TNFRSF11B: variants seen among roughly 807,000 people sequenced by gnomAD.
TNFRSF11B encodes tumor necrosis factor receptor superfamily member 11B.
Under a neutral mutation model 43.4 loss-of-function variants are expected in TNFRSF11B, and 16 were observed. The observed-to-expected ratio is 0.37, with a 90% confidence interval of 0.25 to 0.56. The LOEUF is 0.56. Ranked by LOEUF, TNFRSF11B falls within the 20% of genes least tolerant of loss-of-function variation. The pLI is 0.80. For synonymous variants in TNFRSF11B, 185 were observed against 181.8 expected (o/e 1.02, Z -0.14); for missense variants, 444 against 490.1 (o/e 0.91, Z 0.89).
intron 1 of TNFRSF11B, among the ~76,000 whole-genome samples, chr8:118,949,159 C>T (rs772468329): frequency 2.0e-5 from 3 of 152,068 alleles, no homozygotes; most frequent in Non-Finnish European, 2.9e-5. Flanking sequence ...CCATCCCTAC[C>T]TCCTTCCCTG....
intron 1 of TNFRSF11B, among the ~76,000 whole-genome samples, chr8:118,937,954 T>C (rs189029444): frequency 6.6e-6 from 1 of 151,750 alleles, no homozygotes; most frequent in East Asian, 1.9e-4. Flanking sequence ...TAAGTCAAAA[T>C]AAAATATTTA....
At chr8:118,934,257 T>C (rs1438587633) in intron 1 of TNFRSF11B, among the ~76,000 whole-genome samples, 1 of 152,222 alleles carries the variant, frequency 6.6e-6, no homozygotes, top group Admixed American at 6.5e-5. Context: ...GCACCAGGAA[T>C]ATGCTGGTGA....
intron 3 of TNFRSF11B, 56 bp downstream of exon 3, chr8:118,928,682 A>G (rs1586954103): frequency 8.6e-7 from 1 of 1,163,352 alleles, no homozygotes; most frequent in Non-Finnish European, 1.2e-6. Flanking sequence ...TGTTCAACTC[A>G]GAGAGAGAGA....
chr8:118,923,826 T>C lies in TNFRSF11B; in HGVS notation c.*548A>G, dbSNP rs572158364. The stretch of plus-strand genomic sequence containing the variant: ...TGCTACAAACTTTCCATTAAAAATA[T>C]ATATTTTCTCTTTCATTTGTCATAA... On this transcript the variant is annotated 3_prime_UTR_variant, in exon 5 of 5. Transcript: ENST00000297350. 2.0e-5 allele frequency: 3 copies of C among 152,762 alleles called. No individual in the cohort carries two copies. The highest frequency in any genetic ancestry group is 4.4e-5 in the Non-Finnish European group (3 of 68,102). 9.5% of individuals were successfully genotyped at this position (152,762 alleles called of 1,614,324 possible). A position where few individuals can be genotyped will look rare whatever the true frequency, so the allele number is the denominator to read the frequency against.
rs1237749291 is a variant in TNFRSF11B at position 118,933,346 on chromosome 8, A to G, written c.31-46T>C. 9 of 1,607,362 alleles carry G rather than the reference A, an allele frequency of 5.6e-6. No homozygotes were observed. The African/African-American group carries it at 1.1e-4, about 19-fold the overall frequency. ...AGTGGCATCATCTTAGCATGAAAAT[A>G]GGTTTGTTCTTATGTGCAACAGTAT... On this transcript the variant is annotated intron_variant, in intron 1 of 4. Coordinates refer to ENST00000297350, the MANE Select transcript of TNFRSF11B (RefSeq NM_002546.4).
At chr8:118,928,681 CAG>C (rs10554146) in intron 3 of TNFRSF11B, 55 bp downstream of exon 3, 224,385 of 1,582,802 alleles carry the variant, frequency 0.14, 21,388 homozygotes, top group African/African-American at 0.48. Context: ...GTGTTCAACT[CAG>C]AGAGAGAGAT....
rs1231724127 is a variant in TNFRSF11B, at chr8:118,941,727, CAAAA to C, written c.31-8431_31-8428del. On this transcript the variant is annotated intron_variant, in intron 1 of 4. Transcript: ENST00000297350. ...AGATTAACAAATGAAGGCAAAAAAA[CAAAA>C]AACAAAAACAAGAAAATCTCTGAGA... is the stretch of plus-strand genomic sequence containing the variant. Among the ~76,000 whole-genome samples the C allele has an allele frequency of 2.6e-5, 4 of 151,304 alleles. No individual in the cohort carries two copies. The East Asian group carries it at 6.0e-4, about 23-fold the overall frequency.
intron 1 of TNFRSF11B, among the ~76,000 whole-genome samples, chr8:118,946,528 A>G (rs1812563184): frequency 6.6e-6 from 1 of 152,174 alleles, no homozygotes. Context: ...TAGATAGTTT[A>G]CGGATGTTCC....
At chr8:118,939,346 GTT>G (rs1350872299) in intron 1 of TNFRSF11B, among the ~76,000 whole-genome samples, 3 of 152,162 alleles carry the variant, frequency 2.0e-5, no homozygotes, top group African/African-American at 7.2e-5. Flanking sequence ...AGTTGAATAA[GTT>G]AATGTAAGCA....
At chr8:118,942,892 A>AT (rs1421752665) in intron 1 of TNFRSF11B, among the ~76,000 whole-genome samples, 5 of 152,060 alleles carry the variant, frequency 3.3e-5, no homozygotes, top group Non-Finnish European at 5.9e-5. Context: ...ACTCAATATG[A>AT]TTTACTGTCT....
chr8:118,936,537 T>C (rs1007974166), intron 1 of TNFRSF11B, among the ~76,000 whole-genome samples: 1 of 152,190 alleles, frequency 6.6e-6, no homozygotes, highest in African/African-American at 2.4e-5. Flanking sequence ...TTCTGCTTAT[T>C]TCCTGGAAAA....
Position 118,926,725 on chromosome 8 carries a change from A to G in TNFRSF11B, c.593-7T>C. ...TCCTCACACAGGGTAACATCTAAAGAAAGGTTAGAAAACCCAGAAGATTTA... is the reference window on the plus strand; with the variant it reads ...TCCTCACACAGGGTAACATCTAAAGGAAGGTTAGAAAACCCAGAAGATTTA... On this transcript the variant is annotated splice_region_variant and splice_polypyrimidine_tract_variant and intron_variant, in intron 3 of 4. Transcript: ENST00000297350. 2 of 1,610,458 alleles carry G rather than the reference A, an allele frequency of 1.2e-6. No individual in the cohort carries two copies. Among genetic ancestry groups the G allele is most frequent in the Non-Finnish European group, 1.7e-6 (2 of 1,177,602 alleles).
At chr8:118,942,381 T>A (rs1487189449) in intron 1 of TNFRSF11B, among the ~76,000 whole-genome samples, 5 of 152,018 alleles carry the variant, frequency 3.3e-5, no homozygotes. Context: ...ATTAATGACC[T>A]GTATTGAAGC....
chr8:118,937,034 T>A (rs1241295735), intron 1 of TNFRSF11B, among the ~76,000 whole-genome samples: 2 of 152,212 alleles, frequency 1.3e-5, no homozygotes, highest in Non-Finnish European at 2.9e-5. Flanking sequence ...CCTCCATTCC[T>A]CTTTTTTGAA....
chr8:118,951,757 G>T (rs1485245983), intron 1 of TNFRSF11B, 35 bp downstream of exon 1: 13 of 1,572,404 alleles, frequency 8.3e-6, no homozygotes, highest in Non-Finnish European at 1.1e-5. Flanking sequence ...GCCTCCCCAG[G>T]CGCCGGGCAC....
At chr8:118,929,820 T>C (rs914788543) in intron 2 of TNFRSF11B, among the ~76,000 whole-genome samples, 4 of 152,232 alleles carry the variant, frequency 2.6e-5, no homozygotes, top group African/African-American at 9.6e-5. Flanking sequence ...TGAACAGATT[T>C]AGACTTCAAT....
In TNFRSF11B at chr8:118,933,322, G is replaced by A. The variant is rs754504408; in HGVS notation, c.31-22C>T. ...GAAACTAGAAGGAGAAAGGAACACAGTGGCATCATCTTAGCATGAAAATAG... is the reference window on the plus strand; with the variant it reads ...GAAACTAGAAGGAGAAAGGAACACAATGGCATCATCTTAGCATGAAAATAG... On this transcript the variant is annotated intron_variant, in intron 1 of 4. Coordinates refer to ENST00000297350, the MANE Select transcript of TNFRSF11B (RefSeq NM_002546.4). The A allele has an allele frequency of 8.1e-6, 13 of 1,612,004 alleles. No individual in the cohort carries two copies. The East Asian group carries it at 2.9e-4, about 36-fold the overall frequency.
chr8:118,934,056 G>A (rs879396829), intron 1 of TNFRSF11B, among the ~76,000 whole-genome samples: 5 of 152,174 alleles, frequency 3.3e-5, no homozygotes, highest in Non-Finnish European at 7.3e-5. Context: ...AAAATAGGGA[G>A]ATTAACATTT....
chr8:118,927,376 T>C (rs1460775509), intron 3 of TNFRSF11B, among the ~76,000 whole-genome samples: 1 of 152,192 alleles, frequency 6.6e-6, no homozygotes, highest in Admixed American at 6.5e-5. Flanking sequence ...AGTTCTGCCG[T>C]TCTACTACCT....
Sources: allele counts gnomAD v4.1 joint callset (sites outside exome capture counted in the v4.1 genomes callset), GRCh38; gene constraint gnomAD v4.1.1; transcripts MANE v1.5; gene names NCBI Gene and HGNC (gene_info 2026-07-23, HGNC 2026-07-21).